Variants in DMRT1 observed in about 807,000 individuals in gnomAD.
DMRT1 encodes the protein doublesex- and mab-3-related transcription factor 1.
Under a neutral mutation model 32.3 loss-of-function variants are expected in DMRT1, and 7 were observed. That is an observed-to-expected ratio of 0.22 (90% CI 0.12 to 0.41). The LOEUF is 0.41. Among genes scored for constraint, DMRT1 ranks in the 10% least tolerant of loss-of-function variants. DMRT1 has a pLI of 1.00. For missense variants in DMRT1, 625 were observed against 500.5 expected (o/e 1.25, Z -2.37); for synonymous variants, 278 against 206.1 (o/e 1.35, Z -2.99).
chr9:891,200 A>AT (rs1817135427), intron 2 of DMRT1, among the ~76,000 whole-genome samples: 1 of 151,048 alleles, frequency 6.6e-6, no homozygotes. Context: ...AAAAAAAAAA[A>AT]GCTAAGAGCT....
chr9:932,831 T>A (rs984162104), intron 4 of DMRT1, among the ~76,000 whole-genome samples: 3 of 152,302 alleles, frequency 2.0e-5, no homozygotes, highest in South Asian at 4.2e-4. Context: ...CAGTTTTTTT[T>A]AAATAAAGGA....
At chr9:896,727 C>T (rs1020366149) in intron 3 of DMRT1, among the ~76,000 whole-genome samples, 6 of 151,878 alleles carry the variant, frequency 4.0e-5, no homozygotes, top group Middle Eastern at 6.8e-3. Flanking sequence ...GCAGAAGAAT[C>T]GTCTGAACCC....
chr9:876,672 T>C (rs1288703980), intron 2 of DMRT1, among the ~76,000 whole-genome samples: 2 of 152,218 alleles, frequency 1.3e-5, no homozygotes, highest in East Asian at 3.9e-4. Flanking sequence ...GCTGGGTCTA[T>C]AGGCTCGTGC....
At chr9:924,778 G>C (rs575391661) in intron 4 of DMRT1, among the ~76,000 whole-genome samples, 5 of 152,204 alleles carry the variant, frequency 3.3e-5, no homozygotes, top group Non-Finnish European at 7.3e-5. Context: ...AAACACACCA[G>C]TGCTTTTCAG....
At chr9:883,868 G>A (rs946411245) in intron 2 of DMRT1, among the ~76,000 whole-genome samples, 6 of 152,026 alleles carry the variant, frequency 3.9e-5, no homozygotes, top group Non-Finnish European at 7.4e-5. Flanking sequence ...GTATTAGTTG[G>A]TGATGGATAG....
At chr9:923,760 C>T (rs1186208324) in intron 4 of DMRT1, among the ~76,000 whole-genome samples, 4 of 152,170 alleles carry the variant, frequency 2.6e-5, no homozygotes, top group African/African-American at 7.2e-5. Context: ...AACATCAACC[C>T]TTGTCTTTCT....
Position 906,972 on chromosome 9 carries a change from A to G in DMRT1, c.823-9791A>G, listed in dbSNP as rs921593590. Among the ~76,000 whole-genome samples the G allele has an allele frequency of 7.9e-5, 12 of 152,298 alleles. No individual in the cohort carries two copies. The South Asian group carries it at 2.5e-3, about 32-fold the overall frequency. Reference sequence around the variant, plus strand: ...AATGATTATTAAATTATGAAGACTCATGAGATAACAAGTCTCTATATTATT... The same window carrying G: ...AATGATTATTAAATTATGAAGACTCGTGAGATAACAAGTCTCTATATTATT... On this transcript the variant is annotated intron_variant, in intron 3 of 4. Transcript: ENST00000382276.
chr9:878,281 A>G (rs1816593969), intron 2 of DMRT1, among the ~76,000 whole-genome samples: 2 of 144,526 alleles, frequency 1.4e-5, no homozygotes, highest in African/African-American at 2.6e-5. Flanking sequence ...GCAGAGTCGA[A>G]TAAAGGAGGA....
intron 2 of DMRT1, among the ~76,000 whole-genome samples, chr9:872,668 T>C (rs1816324582): frequency 6.6e-6 from 1 of 152,256 alleles, no homozygotes; most frequent in Non-Finnish European, 1.5e-5. Context: ...GGACTTCTTT[T>C]TATTACTTAT....
At chr9:905,858 C>T (rs924817483) in intron 3 of DMRT1, among the ~76,000 whole-genome samples, 2 of 152,096 alleles carry the variant, frequency 1.3e-5, no homozygotes, top group Non-Finnish European at 1.5e-5. Context: ...CGGCTGGAAA[C>T]GGGGAAGCTG....
chr9:847,632 T>A (rs1480179616), intron 2 of DMRT1, among the ~76,000 whole-genome samples: 1 of 151,520 alleles, frequency 6.6e-6, no homozygotes, highest in East Asian at 1.9e-4. Context: ...TAAGGAGGAA[T>A]GTGTTCTTTT....
chr9:941,329 T>TCCCCCCCCCCC (rs139393138), intron 4 of DMRT1, among the ~76,000 whole-genome samples: 1 of 103,830 alleles, frequency 9.6e-6, no homozygotes, highest in Non-Finnish European at 2.0e-5. Context: ...ACACACCCCC[T>TCCCCCCCCCCC]CCCCCCCCCC....
chr9:843,892 G>T (rs189913652), intron 1 of DMRT1, among the ~76,000 whole-genome samples: 7 of 152,062 alleles, frequency 4.6e-5, no homozygotes, highest in Non-Finnish European at 7.4e-5. Context: ...ATATTGTTTT[G>T]CTTAATTTCT....
intron 2 of DMRT1, among the ~76,000 whole-genome samples, chr9:873,801 C>G (rs1334235974): frequency 1.3e-5 from 2 of 152,020 alleles, no homozygotes; most frequent in Non-Finnish European, 2.9e-5. Context: ...TTTGGAGAGA[C>G]TAAGGCTAAA....
chr9:867,474 T>C (rs2132597782), intron 2 of DMRT1, among the ~76,000 whole-genome samples: 1 of 152,380 alleles, frequency 6.6e-6, no homozygotes, highest in Middle Eastern at 3.4e-3. Context: ...CGAGTAGCTC[T>C]CATTTACCGA....
At chr9:844,078 G>C (rs57136577) in intron 1 of DMRT1, among the ~76,000 whole-genome samples, 2,968 of 152,220 alleles carry the variant, frequency 0.019, 83 homozygotes, top group African/African-American at 0.066. Flanking sequence ...GAACATGCTT[G>C]GGGGATTTCT....
At chr9:846,818 T>G in intron 1 of DMRT1, 142 bp from the exon 2 acceptor site, 4 of 986,830 alleles carry the variant, frequency 4.1e-6, no homozygotes, top group Non-Finnish European at 6.3e-6. Flanking sequence ...GTTACCTGGG[T>G]GGGTTTAAGA....
intron 2 of DMRT1, among the ~76,000 whole-genome samples, chr9:852,189 G>A (rs1405727835): frequency 2.6e-5 from 4 of 151,576 alleles, no homozygotes; most frequent in African/African-American, 7.3e-5. Flanking sequence ...CGCCTGCCTC[G>A]GCCTCCCAAA....
chr9:921,881 A>G (rs573311442), intron 4 of DMRT1, among the ~76,000 whole-genome samples: 2 of 152,118 alleles, frequency 1.3e-5, no homozygotes, highest in East Asian at 1.9e-4. Context: ...CACACACTGC[A>G]TCCAGCACTG....
Sources: gnomAD v4.1 joint callset for allele counts (sites outside exome capture counted in the v4.1 genomes callset) on GRCh38, gnomAD v4.1.1 for gene constraint, MANE v1.5 for transcripts, NCBI Gene and HGNC (gene_info 2026-07-23, HGNC 2026-07-21) for gene names.